ODF2: variants seen among roughly 807,000 people sequenced by gnomAD.
The protein encoded by ODF2 is outer dense fiber of sperm tails 2.
A neutral mutation model predicts 110.2 loss-of-function variants in ODF2; 47 were observed. The ratio of observed to expected loss-of-function variants is 0.43; its 90% confidence interval spans 0.34 to 0.54. The LOEUF (loss-of-function observed/expected upper bound fraction) is 0.54, where lower values mean the gene tolerates loss of function less well. Ranked by LOEUF, ODF2 falls within the 20% of genes least tolerant of loss-of-function variation. The pLI, the probability that ODF2 is intolerant of heterozygous loss-of-function variation, is 0.03. For synonymous variants in ODF2, 352 were observed against 397.7 expected, an observed-to-expected ratio of 0.89 and a Z score of 1.37; for missense variants, 812 against 1,054.5, an observed-to-expected ratio of 0.77 and a Z score of 3.19.
chr9:128,460,427 C>T, intron 3 of ODF2, 123 bp from the exon 3 acceptor site: 4 of 1,491,140 alleles, frequency 2.7e-6, no homozygotes, highest in Non-Finnish European at 3.6e-6. Flanking sequence ...TAGTTGGTAG[C>T]TGTCCTGCTC....
chr9:128,464,087 C>T (rs1319712847), intron 4 of ODF2, among the ~76,000 whole-genome samples: 4 of 151,100 alleles, frequency 2.6e-5, no homozygotes, highest in South Asian at 2.1e-4. Context: ...TCAAGTAACC[C>T]GCCCACCTCA....
At chr9:128,478,173 T>G (rs1841716340) in intron 8 of ODF2, among the ~76,000 whole-genome samples, 1 of 152,162 alleles carries the variant, frequency 6.6e-6, no homozygotes, top group Non-Finnish European at 1.5e-5. Context: ...ATTTTTTGTA[T>G]TTTTAGTAAA....
At chr9:128,474,837 G>A (rs905511215) in intron 8 of ODF2, among the ~76,000 whole-genome samples, 4 of 151,166 alleles carry the variant, frequency 2.6e-5, no homozygotes, top group East Asian at 3.9e-4. Flanking sequence ...GGTGGCAGGT[G>A]CCTGTAATCC....
At chr9:128,460,416 G>A in intron 3 of ODF2, 134 bp from the exon 3 acceptor site, 1 of 1,470,950 alleles carries the variant, frequency 6.8e-7, no homozygotes, top group Non-Finnish European at 9.1e-7. Flanking sequence ...CTGCATGCCA[G>A]TAGTTGGTAG....
At chr9:128,460,451 GC>G (rs1836137280) in intron 3 of ODF2, 98 bp from the exon 3 acceptor site, 1 of 1,540,108 alleles carries the variant, frequency 6.5e-7, no homozygotes, top group African/African-American at 1.4e-5. Flanking sequence ...TGGTGGCTAG[GC>G]TTTTTGGTGG....
rs543112677 is a variant in ODF2, at chr9:128,462,686, G to A, written c.249+1619G>A. Among the ~76,000 whole-genome samples, 45 of 151,124 alleles carry A rather than the reference G, an allele frequency of 3.0e-4. No homozygotes were observed. In the South Asian group the frequency reaches 7.1e-3, roughly 24 times the overall value. On this transcript the variant is annotated intron_variant, in intron 4 of 20. Coordinates refer to ENST00000604420, the Ensembl canonical transcript of ODF2. ...GCAATCTCGGCCCACTGCAAGCTCCGCCTCCCGGGTTCACACCATTCTTCT... is the reference window on the plus strand; with the variant it reads ...GCAATCTCGGCCCACTGCAAGCTCCACCTCCCGGGTTCACACCATTCTTCT...
In ODF2 at chr9:128,458,231, T is replaced by A. The variant is rs150692218; in HGVS notation, c.32+794T>A. Among the ~76,000 whole-genome samples, 590 of 152,094 alleles carry A rather than the reference T, an allele frequency of 3.9e-3. 1 individual carries two copies. The highest frequency in any genetic ancestry group is 6.0e-3 in the Non-Finnish European group (406 of 67,966). On this transcript the variant is annotated intron_variant, in intron 2 of 20. Transcript: ENST00000604420. ...ACTTTGAGAGGCCAAGGTGGGTGGA[T>A]CACCTGAGGTCAGGAGTTTGAGACC...
chr9:128,486,628 C>G (rs931252830), intron 13 of ODF2, among the ~76,000 whole-genome samples: 3 of 152,224 alleles, frequency 2.0e-5, no homozygotes, highest in Non-Finnish European at 4.4e-5. Flanking sequence ...AGTCTCTGCT[C>G]TTTGACTGAT....
At chr9:128,459,818 T>C (rs965412296) in intron 3 of ODF2, among the ~76,000 whole-genome samples, 161 bp downstream of exon 2, 3 of 152,116 alleles carry the variant, frequency 2.0e-5, no homozygotes, top group Non-Finnish European at 4.4e-5. Context: ...ATTATGATCA[T>C]CATTTTTGCC....
intron 5 of ODF2, 75 bp downstream of exon 5, chr9:128,469,428 G>A: frequency 1.3e-6 from 2 of 1,515,114 alleles, no homozygotes; most frequent in Non-Finnish European, 1.8e-6. Context: ...TTCCTGCCTG[G>A]TCCCTCAGCC....
chr9:128,491,921 C>G (rs1351818238), intron 14 of ODF2, among the ~76,000 whole-genome samples: 1 of 141,802 alleles, frequency 7.1e-6, no homozygotes, highest in Admixed American at 7.5e-5. Flanking sequence ...GGCTGGAGTG[C>G]AGGGGCACGA....
At chr9:128,469,496 C>A in intron 5 of ODF2, 143 bp downstream of exon 5, 1 of 784,284 alleles carries the variant, frequency 1.3e-6, no homozygotes, top group Non-Finnish European at 2.1e-6. Flanking sequence ...CAGTTGCCTG[C>A]CCCGGGAGGT....
intron 7 of ODF2, 30 bp downstream of exon 7, chr9:128,473,072 T>C (rs1163137961): frequency 1.2e-6 from 2 of 1,613,302 alleles, no homozygotes; most frequent in Non-Finnish European, 1.7e-6. Flanking sequence ...ACCCCAGCCA[T>C]GGAACTGGCC....
chr9:128,485,339 C>G lies in ODF2; in HGVS notation c.1291-26C>G, dbSNP rs115913658. 4,708 of 1,289,402 alleles carry G rather than the reference C, an allele frequency of 3.7e-3. 145 individuals carry two copies. In the African/African-American group the frequency reaches 0.059, roughly 16 times the overall value. 79.9% of individuals were successfully genotyped at this position (1,289,402 alleles called of 1,614,324 possible). A position where few individuals can be genotyped will look rare whatever the true frequency, so the allele number is the denominator to read the frequency against. On this transcript the variant is annotated intron_variant, in intron 12 of 20. Transcript: ENST00000604420. This position sits in a 1 kb window ranked among gnomAD's most constrained non-coding sequence, Gnocchi z 5.0. ...AGCCTCACCACTGACACTAGGCTAACAGGCCCTTTTGTCCCGTGTTCCCAG... is the reference window on the plus strand; with the variant it reads ...AGCCTCACCACTGACACTAGGCTAAGAGGCCCTTTTGTCCCGTGTTCCCAG...
Position 128,473,010 on chromosome 9 carries a change from G to A in ODF2, c.679G>A (p.Ala227Thr), listed in dbSNP as rs141995266. 7.4e-6 allele frequency: 12 copies of A among 1,614,000 alleles called. No individual in the cohort carries two copies. In the African/African-American group the frequency reaches 1.6e-4, roughly 22 times the overall value. The change falls in exon 7 of 21, where the codon GCC (alanine) becomes ACC (threonine). Residue 227 changes from alanine (A) to threonine (T), a missense_variant. This residue lies in a region of ODF2 where 219 missense variants were observed against 321.3 expected (regional missense o/e 0.68). Coordinates refer to ENST00000604420, the Ensembl canonical transcript of ODF2. Reference sequence around the variant, plus strand: ...GGCTGCGGCTGCCAAGCAGGTCATGGCCTTGAAGGATACCATCGGGAAGCT... The same window carrying A: ...GGCTGCGGCTGCCAAGCAGGTCATGACCTTGAAGGATACCATCGGGAAGCT...
upstream of ODF2, chr9:128,455,382 T>C (rs1350352155): frequency 9.6e-6 from 5 of 519,292 alleles, no homozygotes; most frequent in Non-Finnish European, 1.6e-5. Flanking sequence ...AAACCCCGTC[T>C]CTACTAAAAA....
intron 1 of ODF2, chr9:128,456,467 C>T (rs928484991): frequency 2.0e-6 from 3 of 1,518,890 alleles, no homozygotes; most frequent in Admixed American, 2.0e-5. Context: ...GGCGGTCGGC[C>T]GCCTCCTTCC....
chr9:128,496,228 G>T, intron 18 of ODF2, 87 bp downstream of exon 18: 2 of 1,590,136 alleles, frequency 1.3e-6, no homozygotes, highest in Non-Finnish European at 1.7e-6. Context: ...GTGTGCGGAA[G>T]TGTTGAGGGA....
At chr9:128,498,868 G>T in intron 19 of ODF2, 133 bp from the exon 20 acceptor site, 1 of 1,248,540 alleles carries the variant, frequency 8.0e-7, no homozygotes, top group Non-Finnish European at 1.1e-6. Flanking sequence ...CTGCCCCAGC[G>T]TTCTAGAGAA....
Sources: allele counts gnomAD v4.1 joint callset (sites outside exome capture counted in the v4.1 genomes callset), GRCh38; gene constraint gnomAD v4.1.1; regional missense constraint gnomAD v4.1.1; non-coding constraint Gnocchi (gnomAD v3.1); transcripts MANE v1.5; gene names NCBI Gene and HGNC (gene_info 2026-07-23, HGNC 2026-07-21).